RADX: variants seen among roughly 807,000 people sequenced by gnomAD.
RADX encodes RPA1 related single stranded DNA binding protein, X-linked.
A neutral mutation model predicts 61.6 loss-of-function variants in RADX; 36 were observed. The observed-to-expected ratio is 0.58, with a 90% CI of 0.45 to 0.77. RADX has a LOEUF of 0.77. RADX is among the 30% of genes least tolerant of loss of function. RADX has a pLI of 0.00. For missense variants in RADX, 497 were observed against 651.1 expected (o/e 0.76, Z 2.58); for synonymous variants, 272 against 237.9 (o/e 1.14, Z -1.32).
At chrX:106,667,714 C>T (rs1386800563) in intron 12 of RADX, among the ~76,000 whole-genome samples, 1 of 111,644 alleles carries the variant, frequency 9.0e-6, no homozygotes, top group African/African-American at 3.3e-5. Flanking sequence ...TAGAAAGCAA[C>T]TCAAAATAAT....
chrX:106,668,081 TAGAA>T (rs2147642044), intron 12 of RADX, among the ~76,000 whole-genome samples: 1 of 111,729 alleles, frequency 9.0e-6, no homozygotes, highest in Non-Finnish European at 1.9e-5. Context: ...TAGTAATCCT[TAGAA>T]AGCGCTAAGT....
At chrX:106,636,416 C>T in intron 6 of RADX, 127 bp from the exon 7 acceptor site, 1 of 439,608 alleles carries the variant, frequency 2.3e-6, no homozygotes, top group South Asian at 4.2e-5. Flanking sequence ...TCTGAATTTG[C>T]ATTTTAACAT....
intron 1 of RADX, among the ~76,000 whole-genome samples, chrX:106,620,943 G>A (rs1301640650): frequency 8.9e-6 from 1 of 111,817 alleles, no homozygotes; most frequent in Non-Finnish European, 1.9e-5. Context: ...ACTCTAACTG[G>A]GAAAAATGTT....
intron 1 of RADX, among the ~76,000 whole-genome samples, chrX:106,613,298 T>G (rs1293013335): frequency 8.9e-6 from 1 of 111,827 alleles, no homozygotes; most frequent in Non-Finnish European, 1.9e-5. Context: ...GGCTTGACAT[T>G]CTCATTTTCT....
intron 11 of RADX, among the ~76,000 whole-genome samples, chrX:106,659,355 G>A (rs1237945976): frequency 2.7e-5 from 3 of 111,601 alleles, no homozygotes; most frequent in Admixed American, 9.5e-5. Context: ...ACGTACATAC[G>A]TTTGAACTGC....
chrX:106,649,270 AT>A (rs1927737447), intron 11 of RADX, among the ~76,000 whole-genome samples: 1 of 108,763 alleles, frequency 9.2e-6, no homozygotes, highest in Non-Finnish European at 1.9e-5. Context: ...GAAAAAGATT[AT>A]TTTTCCCAGC....
chrX:106,666,356 C>T (rs971735663), intron 12 of RADX, among the ~76,000 whole-genome samples: 2 of 112,060 alleles, frequency 1.8e-5, no homozygotes, highest in African/African-American at 3.2e-5. Context: ...TCCAGCCAGC[C>T]TTTCCAAGTC....
At chrX:106,615,253 A>T (rs1182300212) in intron 1 of RADX, among the ~76,000 whole-genome samples, 1 of 112,126 alleles carries the variant, frequency 8.9e-6, no homozygotes, top group Non-Finnish European at 1.9e-5. Flanking sequence ...TTGCCATTGT[A>T]TATGGAAAGC....
chrX:106,612,756 A>G (rs750787439), intron 1 of RADX, 33 bp downstream of exon 1: 2 of 1,119,040 alleles, frequency 1.8e-6, no homozygotes, highest in South Asian at 4.4e-5. Flanking sequence ...AGAGGGTTTT[A>G]AAAAAAATAG....
In RADX at chrX:106,657,898, A is replaced by G. The variant is rs928493617; in HGVS notation, c.1979-4117A>G. ...TGATAATTACCAAAACGTGACGCAG[A>G]GACACAAAATGAACATATGCTGTTT... On this transcript the variant is annotated intron_variant, in intron 11 of 13. Transcript: ENST00000372548. 7.1e-5 allele frequency among the ~76,000 whole-genome samples: 8 copies of G among 111,909 alleles called. No individual in the cohort carries two copies. The East Asian group carries it at 2.3e-3, about 31-fold the overall frequency.
At chrX:106,641,787 A>G (rs1427704250) in intron 10 of RADX, among the ~76,000 whole-genome samples, 2 of 111,446 alleles carry the variant, frequency 1.8e-5, no homozygotes, top group Admixed American at 1.9e-4. Flanking sequence ...TCTGAAACCA[A>G]GGAGGTAGTC....
At chrX:106,652,192 A>G (rs192582908) in intron 11 of RADX, among the ~76,000 whole-genome samples, 152 of 111,326 alleles carry the variant, frequency 1.4e-3, no homozygotes, top group Non-Finnish European at 4.5e-4. Flanking sequence ...ATGCACCTAT[A>G]GTCCTAGCTA....
intron 1 of RADX, 38 bp downstream of exon 1, chrX:106,612,761 AAAT>A: frequency 8.8e-7 from 1 of 1,140,368 alleles, no homozygotes; most frequent in Non-Finnish European, 1.2e-6. Flanking sequence ...GTTTTAAAAA[AAAT>A]AGTTTTCAGG....
chrX:106,618,071 GAT>G (rs1464717862), intron 1 of RADX, among the ~76,000 whole-genome samples: 2 of 111,947 alleles, frequency 1.8e-5, no homozygotes, highest in Admixed American at 1.9e-4. Flanking sequence ...GGGGTTTAAA[GAT>G]ATTACCGTCT....
intron 1 of RADX, among the ~76,000 whole-genome samples, chrX:106,620,582 G>A (rs984348454): frequency 1.8e-5 from 2 of 110,325 alleles, no homozygotes; most frequent in Non-Finnish European, 3.8e-5. Context: ...GCTGAGGCAG[G>A]AGAATCACTT....
chrX:106,615,857 AT>A (rs1926789940), intron 1 of RADX, among the ~76,000 whole-genome samples: 1 of 111,732 alleles, frequency 8.9e-6, no homozygotes. Flanking sequence ...CTTGGTCACG[AT>A]TATTTTTACA....
At chrX:106,674,926 A>C (rs1458697539) in intron 13 of RADX, among the ~76,000 whole-genome samples, 1 of 109,146 alleles carries the variant, frequency 9.2e-6, no homozygotes, top group African/African-American at 3.4e-5. Flanking sequence ...CAGGAGGCTG[A>C]GGGAGGAGAA....
intron 11 of RADX, among the ~76,000 whole-genome samples, chrX:106,656,764 C>T (rs184419996): frequency 1.4e-4 from 16 of 111,495 alleles, no homozygotes; most frequent in South Asian, 7.6e-4. Context: ...AGCAGTAGTT[C>T]TCAATAGTGG....
At chrX:106,632,796 A>G (rs1303403215) in intron 4 of RADX, 63 bp downstream of exon 4, 2 of 943,220 alleles carry the variant, frequency 2.1e-6, no homozygotes, top group East Asian at 3.1e-5. Flanking sequence ...CTGAAAAACA[A>G]TGCATTATAA....
Sources: allele counts gnomAD v4.1 joint callset (sites outside exome capture counted in the v4.1 genomes callset), GRCh38; gene constraint gnomAD v4.1.1; transcripts MANE v1.5; gene names NCBI Gene and HGNC (gene_info 2026-07-23, HGNC 2026-07-21).